The following LPP variants were observed in gnomAD, a reference collection of about 807,000 sequenced individuals.
LPP encodes the protein LIM domain containing preferred translocation partner in lipoma, also known as lipoma-preferred partner.
A neutral mutation model predicts 60.4 loss-of-function variants in LPP; 38 were observed. That is an observed-to-expected ratio of 0.63 (90% CI 0.49 to 0.83). The LOEUF is 0.83. Ranked by LOEUF, LPP falls within the 40% of genes least tolerant of loss-of-function variation. The probability of loss-of-function intolerance (pLI) is 0.00; values close to 1 mark genes in which losing one functional copy is unlikely to be tolerated. For missense variants in LPP, 902 were observed against 783.6 expected (o/e 1.15, Z -1.80); for synonymous variants, 328 against 290.8 (o/e 1.13, Z -1.30).
intron 8 of LPP, among the ~76,000 whole-genome samples, chr3:188,715,354 G>T (rs1393039330): frequency 8.1e-6 from 1 of 124,058 alleles, no homozygotes; most frequent in African/African-American, 3.0e-5. Flanking sequence ...CTCCAGCCTG[G>T]TGACAGAGGG....
At chr3:188,658,536 G>T (rs1398317935) in intron 7 of LPP, among the ~76,000 whole-genome samples, 1 of 152,022 alleles carries the variant, frequency 6.6e-6, no homozygotes, top group Non-Finnish European at 1.5e-5. Context: ...CCTACTTCAC[G>T]AAAGACACTC....
chr3:188,809,964 C>T (rs951521768), intron 9 of LPP, among the ~76,000 whole-genome samples: 1 of 152,048 alleles, frequency 6.6e-6, no homozygotes, highest in Admixed American at 6.6e-5. Flanking sequence ...TTGTTTTTGT[C>T]AGGTTTGTTG....
chr3:188,429,568 T>C (rs375921139), intron 4 of LPP, among the ~76,000 whole-genome samples: 2 of 152,322 alleles, frequency 1.3e-5, no homozygotes, highest in African/African-American at 2.4e-5. Context: ...CATGTTTTGG[T>C]AAAACCTGCT....
chr3:188,360,604 A>G (rs554343856), intron 3 of LPP, among the ~76,000 whole-genome samples: 1 of 152,104 alleles, frequency 6.6e-6, no homozygotes, highest in Admixed American at 6.6e-5. Flanking sequence ...CGATCCTCCC[A>G]TTGAAGCCTT....
At chr3:188,718,664 C>G (rs976936076) in intron 8 of LPP, among the ~76,000 whole-genome samples, 68 of 152,208 alleles carry the variant, frequency 4.5e-4, no homozygotes, top group African/African-American at 1.5e-3. Flanking sequence ...TCCTATCATT[C>G]CTGGAATAAT....
intron 2 of LPP, among the ~76,000 whole-genome samples, chr3:188,320,678 C>T (rs1264747909): frequency 1.3e-5 from 2 of 152,270 alleles, no homozygotes; most frequent in East Asian, 3.9e-4. Flanking sequence ...TTGAATTTTC[C>T]TTATCCATGG....
chr3:188,257,603 T>C (rs1009924814), intron 2 of LPP, among the ~76,000 whole-genome samples: 1 of 152,238 alleles, frequency 6.6e-6, no homozygotes, highest in Non-Finnish European at 1.5e-5. Flanking sequence ...TTGTCTACCT[T>C]ATCTGTTTCT....
At chr3:188,786,071 G>A (rs1432557362) in intron 9 of LPP, among the ~76,000 whole-genome samples, 2 of 152,028 alleles carry the variant, frequency 1.3e-5, no homozygotes, top group Non-Finnish European at 2.9e-5. Context: ...TTTTCTCAAA[G>A]TGCTAATGAT....
At chr3:188,793,129 C>CA (rs1744288690) in intron 9 of LPP, among the ~76,000 whole-genome samples, 1 of 151,212 alleles carries the variant, frequency 6.6e-6, no homozygotes, top group South Asian at 2.1e-4. Flanking sequence ...TTGTACGTAT[C>CA]AGTCTAGAAG....
chr3:188,782,599 C>T (rs1398415321), intron 9 of LPP, among the ~76,000 whole-genome samples: 1 of 152,132 alleles, frequency 6.6e-6, no homozygotes, highest in African/African-American at 2.4e-5. Flanking sequence ...AGATACCTGT[C>T]ATGTCATGCC....
At chr3:188,649,719 CAG>C (rs374016071) in intron 7 of LPP, among the ~76,000 whole-genome samples, 67 of 151,754 alleles carry the variant, frequency 4.4e-4, no homozygotes, top group Non-Finnish European at 7.5e-4. Context: ...GGGTCTGAGA[CAG>C]AGAGAGAGAG....
chr3:188,196,447 C>G (rs961211206), intron 1 of LPP, among the ~76,000 whole-genome samples: 1 of 152,138 alleles, frequency 6.6e-6, no homozygotes, highest in African/African-American at 2.4e-5. Context: ...CTCAGTCTTA[C>G]AGAGTCAACC....
At chr3:188,199,782 T>G (rs1248178129) in intron 1 of LPP, among the ~76,000 whole-genome samples, 2 of 151,998 alleles carry the variant, frequency 1.3e-5, no homozygotes, top group Non-Finnish European at 2.9e-5. Flanking sequence ...TGGCGTGATC[T>G]TGGCTCACTG....
intron 2 of LPP, among the ~76,000 whole-genome samples, chr3:188,242,632 A>T (rs116502758): frequency 6.6e-6 from 1 of 152,156 alleles, no homozygotes; most frequent in Non-Finnish European, 1.5e-5. Flanking sequence ...ATGTGAAATC[A>T]CTTCTCCTTT....
chr3:188,281,422 C>G (rs566551530), intron 2 of LPP, among the ~76,000 whole-genome samples: 1 of 151,348 alleles, frequency 6.6e-6, no homozygotes, highest in South Asian at 2.1e-4. Flanking sequence ...GCCAACATAG[C>G]GAAACCCCGT....
At chr3:188,325,621 A>G (rs1272311092) in intron 2 of LPP, among the ~76,000 whole-genome samples, 1 of 152,206 alleles carries the variant, frequency 6.6e-6, no homozygotes, top group African/African-American at 2.4e-5. Flanking sequence ...GGTGAGAAAT[A>G]TTTTAGTAAT....
At chr3:188,493,520 C>A (rs1808999401) in intron 5 of LPP, among the ~76,000 whole-genome samples, 1 of 151,882 alleles carries the variant, frequency 6.6e-6, no homozygotes, top group Non-Finnish European at 1.5e-5. Context: ...TCTTGAACTC[C>A]TGAGCTCAGG....
intron 9 of LPP, among the ~76,000 whole-genome samples, chr3:188,783,743 T>A (rs147964346): frequency 5.3e-5 from 8 of 151,932 alleles, no homozygotes; most frequent in Admixed American, 5.2e-4. Flanking sequence ...AAATCCTGCC[T>A]CCATTTTTCT....
intron 4 of LPP, among the ~76,000 whole-genome samples, chr3:188,444,371 A>G (rs971432389): frequency 6.7e-6 from 1 of 150,038 alleles, no homozygotes; most frequent in African/African-American, 2.5e-5. Flanking sequence ...ACCTTTAGCA[A>G]TGCCTTTAAA....
Sources: allele counts gnomAD v4.1 joint callset (sites outside exome capture counted in the v4.1 genomes callset), GRCh38; gene constraint gnomAD v4.1.1; transcripts MANE v1.5; gene names NCBI Gene and HGNC (gene_info 2026-07-23, HGNC 2026-07-21).